The following CIT variants were observed in gnomAD, a reference collection of about 807,000 sequenced individuals.
The protein encoded by CIT is citron Rho-interacting kinase.
A neutral mutation model predicts 272.7 loss-of-function variants in CIT; 79 were observed. The ratio of observed to expected loss-of-function variants is 0.29; its 90% CI spans 0.24 to 0.35. The LOEUF is 0.35. Among genes scored for constraint, CIT ranks in the 10% least tolerant of loss-of-function variants. CIT has a pLI of 1.00. For synonymous variants in CIT, 948 were observed against 995.6 expected, an observed-to-expected ratio of 0.95 and a Z score of 0.90; for missense variants, 1,909 against 2,618.3, an observed-to-expected ratio of 0.73 and a Z score of 5.91.
chr12:119,870,983 G>T (rs1429629352), intron 2 of CIT, among the ~76,000 whole-genome samples: 4 of 152,010 alleles, frequency 2.6e-5, no homozygotes, highest in Admixed American at 2.6e-4. Flanking sequence ...GCCGGGCGTG[G>T]AGGCACGTGC....
Position 119,697,011 on chromosome 12 carries a change from A to G in CIT, c.5882+648T>C, listed in dbSNP as rs917040865. ...CTTTATCAATGGCTGTTTGAGTCCA[A>G]TCCTGTTCAGGAGGTCTCGCATTCC... On this transcript the variant is annotated intron_variant, in intron 46 of 47. Transcript: ENST00000392521. This position sits in a 1 kb window ranked among gnomAD's most constrained non-coding sequence, Gnocchi z 4.9. Among the ~76,000 whole-genome samples, 32 of 152,202 alleles carry G rather than the reference A, an allele frequency of 2.1e-4. No homozygotes were observed. The highest frequency in any genetic ancestry group is 7.2e-4 in the African/African-American group (30 of 41,524).
At chr12:119,755,170 A>G (rs1960777079) in intron 22 of CIT, among the ~76,000 whole-genome samples, 1 of 152,200 alleles carries the variant, frequency 6.6e-6, no homozygotes. Context: ...CTGACCTAAG[A>G]AATAATAAAA....
At chr12:119,850,074 G>C in intron 5 of CIT, 100 bp downstream of exon 5, 1 of 818,150 alleles carries the variant, frequency 1.2e-6, no homozygotes, top group Non-Finnish European at 2.1e-6. Flanking sequence ...GTCTTTGCAT[G>C]AATGAGACCA....
Position 119,718,408 on chromosome 12 carries a change from A to G in CIT, c.4005T>C (p.Ala1335=), listed in dbSNP as rs763687541. ...RIELRSAREE[A]AHRKATDHPH... is the part of the protein sequence containing the mutation. The stretch of plus-strand genomic sequence containing the variant: ...GGTGGTCCGTTGCTTTGCGGTGGGC[A>G]GCTGCAGAGAGACCAGGACAATGCC... Residue 1335 remains alanine (A), a splice_region_variant and synonymous_variant, in exon 32 of 48, where the codon GCT becomes GCC. Coordinates refer to ENST00000392521, the MANE Select transcript of CIT (RefSeq NM_001206999.2). The surrounding 1 kb of genome is among the most constrained non-coding windows in gnomAD (Gnocchi z 4.8). 1 of 1,610,310 alleles carries G rather than the reference A, an allele frequency of 6.2e-7. No homozygotes were observed. The highest frequency in any genetic ancestry group is 1.1e-5 in the South Asian group (1 of 90,516).
At chr12:119,843,176 G>A (rs1367542041) in intron 5 of CIT, among the ~76,000 whole-genome samples, 1 of 152,198 alleles carries the variant, frequency 6.6e-6, no homozygotes, top group African/African-American at 2.4e-5. Flanking sequence ...ACCAAAGGAA[G>A]TTCAGGATGT....
intron 24 of CIT, among the ~76,000 whole-genome samples, chr12:119,738,957 T>C (rs1593540118): frequency 6.6e-6 from 1 of 151,898 alleles, no homozygotes. Flanking sequence ...GGCTTATCTG[T>C]TGTTTTTCAG....
At position 119,694,501 on chromosome 12, in the gene CIT, C is replaced by T. The variant is rs527456529; in HGVS notation, c.5882+3158G>A. On this transcript the variant is annotated intron_variant, in intron 46 of 47. Coordinates refer to ENST00000392521, the MANE Select transcript of CIT (RefSeq NM_001206999.2). The surrounding 1 kb of genome is among the most constrained non-coding windows in gnomAD (Gnocchi z 4.5). ...GGAGAGTATGCAGAATATGCTGCCA[C>T]TTGTATTAAAAAGGAGGGGTGGTTG... 7.2e-5 allele frequency among the ~76,000 whole-genome samples: 11 copies of T among 152,226 alleles called. No individual in the cohort carries two copies. The highest frequency in any genetic ancestry group is 5.2e-4 in the Admixed American group (8 of 15,282).
chr12:119,689,926 G>A lies in CIT; in HGVS notation c.6186+225C>T, dbSNP rs181385595. 6.1e-4 allele frequency among the ~76,000 whole-genome samples: 93 copies of A among 152,156 alleles called. 1 individual carries two copies. The East Asian group carries it at 0.011, about 19-fold the overall frequency. ...GATTTCCTGACCTCGTGATCCACCC[G>A]CCTCGGCCTCCCAAAGTGCTGGGAT... On this transcript the variant is annotated intron_variant, in intron 47 of 47. Transcript: ENST00000392521.
chr12:119,771,044 G>C, intron 17 of CIT, 134 bp from the exon 18 acceptor site: 1 of 1,015,876 alleles, frequency 9.8e-7, no homozygotes, highest in Non-Finnish European at 1.4e-6. Flanking sequence ...CGAAGCAACA[G>C]CAGAGAAAAT....
At chr12:119,777,990 C>A (rs1963939718) in intron 13 of CIT, among the ~76,000 whole-genome samples, 1 of 152,188 alleles carries the variant, frequency 6.6e-6, no homozygotes. Context: ...GGAAAGAATT[C>A]TGGAAGGTGA....
Position 119,690,467 on chromosome 12 carries a change from G to C in CIT, c.5883-13C>G. ...CTTGTTGGGGCTGCTGGCGACACAA[G>C]AGGAACGTAGGGAGCTGCGAGGCCA... is the stretch of plus-strand genomic sequence containing the variant. On this transcript the variant is annotated splice_polypyrimidine_tract_variant and intron_variant, in intron 46 of 47. Coordinates refer to ENST00000392521, the MANE Select transcript of CIT (RefSeq NM_001206999.2). The surrounding 1 kb of genome is among the most constrained non-coding windows in gnomAD (Gnocchi z 6.0). The C allele has an allele frequency of 1.3e-6, 2 of 1,572,808 alleles. No individual in the cohort carries two copies. Among genetic ancestry groups the C allele is most frequent in the Non-Finnish European group, 1.7e-6 (2 of 1,168,932 alleles).
chr12:119,776,123 G>A (rs190191673), intron 15 of CIT, among the ~76,000 whole-genome samples: 7 of 152,242 alleles, frequency 4.6e-5, no homozygotes, highest in Admixed American at 3.9e-4. Context: ...TTTTTACTAA[G>A]TGTCTGGGTT....
At chr12:119,793,896 T>C (rs991291992) in intron 10 of CIT, among the ~76,000 whole-genome samples, 7 of 152,194 alleles carry the variant, frequency 4.6e-5, no homozygotes, top group Non-Finnish European at 1.0e-4. Flanking sequence ...GCCCCCATCA[T>C]GTAAGCTCCA....
intron 40 of CIT, among the ~76,000 whole-genome samples, chr12:119,707,408 C>T (rs1196333915): frequency 6.6e-6 from 1 of 152,084 alleles, no homozygotes; most frequent in Non-Finnish European, 1.5e-5. Context: ...ATGGAGCTGC[C>T]AATGTTAACA....
At chr12:119,765,370 TATATA>T (rs1378626833) in intron 19 of CIT, among the ~76,000 whole-genome samples, 4 of 145,896 alleles carry the variant, frequency 2.7e-5, no homozygotes, top group Non-Finnish European at 6.0e-5. Context: ...ATATATATTA[TATATA>T]ATATAATATA....
At chr12:119,762,613 T>C (rs1238848640) in intron 19 of CIT, among the ~76,000 whole-genome samples, 1 of 152,204 alleles carries the variant, frequency 6.6e-6, no homozygotes, top group Admixed American at 6.5e-5. Context: ...GCCCTTTATA[T>C]TTTATGAGGT....
intron 7 of CIT, among the ~76,000 whole-genome samples, chr12:119,826,000 G>A (rs747523667): frequency 3.9e-5 from 6 of 152,148 alleles, no homozygotes; most frequent in Non-Finnish European, 5.9e-5. Flanking sequence ...CCTGGGAGGC[G>A]GAGGTTGCAG....
At chr12:119,772,237 T>C (rs1278058729) in intron 17 of CIT, among the ~76,000 whole-genome samples, 2 of 152,330 alleles carry the variant, frequency 1.3e-5, no homozygotes, top group East Asian at 3.9e-4. Context: ...TATATTCTTC[T>C]GTACTGTTTT....
At chr12:119,800,434 T>G (rs1301141151) in intron 10 of CIT, among the ~76,000 whole-genome samples, 2 of 152,190 alleles carry the variant, frequency 1.3e-5, no homozygotes, top group African/African-American at 4.8e-5. Context: ...TTAAAAATAG[T>G]CTGGGGTCCC....
Sources: gnomAD v4.1 joint callset for allele counts (sites outside exome capture counted in the v4.1 genomes callset) on GRCh38, gnomAD v4.1.1 for gene constraint, Gnocchi (gnomAD v3.1) non-coding constraint, MANE v1.5 for transcripts, NCBI Gene and HGNC (gene_info 2026-07-23, HGNC 2026-07-21) for gene names.